The following PAPPA2 variants were observed in gnomAD, a reference collection of about 807,000 sequenced individuals.
PAPPA2 encodes pappalysin-2.
In PAPPA2, 86 loss-of-function variants were observed where a neutral mutation model predicts 176.4. That is an observed-to-expected ratio of 0.49 (90% CI 0.41 to 0.58). The LOEUF (loss-of-function observed/expected upper bound fraction) is 0.58. Ranked by LOEUF, PAPPA2 falls within the 20% of genes least tolerant of loss-of-function variation. PAPPA2 has a pLI of 0.00. For missense variants in PAPPA2, 2,073 were observed against 2,256.9 expected (o/e 0.92, Z 1.65); for synonymous variants, 809 against 852.2 (o/e 0.95, Z 0.88).
chr1:176,492,847 T>C (rs868080602), intron 1 of PAPPA2, among the ~76,000 whole-genome samples: 5 of 152,206 alleles, frequency 3.3e-5, no homozygotes, highest in South Asian at 2.1e-4. Flanking sequence ...GTGAGTATTA[T>C]CCTTAAGAGA....
chr1:176,787,239 A>T (rs922796911), intron 17 of PAPPA2, among the ~76,000 whole-genome samples: 1 of 152,070 alleles, frequency 6.6e-6, no homozygotes, highest in African/African-American at 2.4e-5. Flanking sequence ...AGTCATAAAA[A>T]TCAGATTTTT....
chr1:176,535,548 C>A (rs987136076), intron 1 of PAPPA2, among the ~76,000 whole-genome samples: 1 of 152,136 alleles, frequency 6.6e-6, no homozygotes, highest in African/African-American at 2.4e-5. Flanking sequence ...GGCCAGTATT[C>A]TGGTTTCTTC....
In PAPPA2 at chr1:176,671,039, C is replaced by T; in HGVS notation, c.2061C>T (p.Tyr687=). 1 of 1,614,034 alleles carries T rather than the reference C, an allele frequency of 6.2e-7. No homozygotes were observed. The highest frequency in any genetic ancestry group is 8.5e-7 in the Non-Finnish European group (1 of 1,179,928). ...QLNSTHFLNI[Y]FASSVREDLA... is the part of the protein sequence containing the mutation. Reference sequence around the variant, plus strand: ...ACAGTACTCACTTCCTCAACATCTACTTTGCCAGCTCAGTGCGGGAAGACC... The same window carrying T: ...ACAGTACTCACTTCCTCAACATCTATTTTGCCAGCTCAGTGCGGGAAGACC... Residue 687 remains tyrosine, a synonymous_variant, in exon 4 of 23, where the codon TAC becomes TAT. Coordinates refer to ENST00000367662, the MANE Select transcript of PAPPA2 (RefSeq NM_020318.3).
chr1:176,573,809 A>G (rs1165212060), intron 2 of PAPPA2, among the ~76,000 whole-genome samples: 2 of 152,252 alleles, frequency 1.3e-5, no homozygotes, highest in East Asian at 3.9e-4. Flanking sequence ...GATCCCTAGT[A>G]GGTAATATCA....
chr1:176,593,854 T>A (rs1653799520), intron 2 of PAPPA2, among the ~76,000 whole-genome samples: 1 of 152,170 alleles, frequency 6.6e-6, no homozygotes, highest in Non-Finnish European at 1.5e-5. Flanking sequence ...CAGTGGTTAG[T>A]TTTTTAGGCT....
chr1:176,500,419 T>G (rs1647889987), intron 1 of PAPPA2, among the ~76,000 whole-genome samples: 1 of 150,558 alleles, frequency 6.6e-6, no homozygotes, highest in Admixed American at 6.6e-5. Context: ...TCTAAAAGCT[T>G]TTTTCACTGT....
At chr1:176,724,344 C>T (rs1037664673) in intron 12 of PAPPA2, among the ~76,000 whole-genome samples, 4 of 152,132 alleles carry the variant, frequency 2.6e-5, no homozygotes, top group African/African-American at 7.2e-5. Context: ...AAACAGAAGG[C>T]ATAATTCTTC....
Position 176,781,772 on chromosome 1 carries a change from T to G in PAPPA2, c.4716-8037T>G, listed in dbSNP as rs537465696. Among the ~76,000 whole-genome samples the G allele has an allele frequency of 2.6e-5, 4 of 152,298 alleles. No homozygotes were observed. The East Asian group carries it at 7.7e-4, about 29-fold the overall frequency. ...AATGCACATTCTTGTTGAGTCAGTC[T>G]GAAGTGGATCCTGAGATTTATTTCT... On this transcript the variant is annotated intron_variant, in intron 17 of 22. Transcript: ENST00000367662.
intron 4 of PAPPA2, among the ~76,000 whole-genome samples, chr1:176,684,935 G>A (rs2102796340): frequency 6.6e-6 from 1 of 152,298 alleles, no homozygotes; most frequent in South Asian, 2.1e-4. Context: ...GATGCCTGCG[G>A]TTGTCAGGAT....
At chr1:176,679,683 G>A (rs1659485164) in intron 4 of PAPPA2, among the ~76,000 whole-genome samples, 1 of 152,108 alleles carries the variant, frequency 6.6e-6, no homozygotes, top group South Asian at 2.1e-4. Flanking sequence ...AAAACTCTGA[G>A]CAAGGGGGAA....
chr1:176,768,152 C>G (rs1177219596), intron 15 of PAPPA2, among the ~76,000 whole-genome samples: 1 of 152,130 alleles, frequency 6.6e-6, no homozygotes, highest in African/African-American at 2.4e-5. Context: ...GTTGGCTGCA[C>G]GTTTTTCAAA....
At chr1:176,728,638 C>G (rs1477481331) in intron 12 of PAPPA2, among the ~76,000 whole-genome samples, 1 of 151,736 alleles carries the variant, frequency 6.6e-6, no homozygotes, top group East Asian at 1.9e-4. Flanking sequence ...ACAAGATATT[C>G]AAAAGAATTA....
At chr1:176,511,861 G>C (rs925300945) in intron 1 of PAPPA2, among the ~76,000 whole-genome samples, 13 of 152,124 alleles carry the variant, frequency 8.5e-5, no homozygotes, top group African/African-American at 3.1e-4. Context: ...TTTGAACTCA[G>C]ACTGAAACTT....
In PAPPA2 at chr1:176,557,249, C is replaced by G. The variant is rs752699303; in HGVS notation, c.919+8C>G. The G allele has an allele frequency of 5.8e-6, 9 of 1,564,586 alleles. No homozygotes were observed. The East Asian group carries it at 9.5e-5, about 16-fold the overall frequency. On this transcript the variant is annotated splice_region_variant and intron_variant, in intron 2 of 22. Transcript: ENST00000367662. Reference sequence around the variant, plus strand: ...ACCCAGCCATCATCGCAGGTAACACCCTTCTCCTGGGCTTTCTGAAATCCT... The same window carrying G: ...ACCCAGCCATCATCGCAGGTAACACGCTTCTCCTGGGCTTTCTGAAATCCT...
chr1:176,513,901 G>T (rs929787914), intron 1 of PAPPA2, among the ~76,000 whole-genome samples: 2 of 152,076 alleles, frequency 1.3e-5, no homozygotes, highest in African/African-American at 4.8e-5. Context: ...TGTCCGAGGA[G>T]TCATGACTGT....
At chr1:176,477,286 G>A (rs1652172610) in intron 1 of PAPPA2, among the ~76,000 whole-genome samples, 1 of 152,036 alleles carries the variant, frequency 6.6e-6, no homozygotes, top group Non-Finnish European at 1.5e-5. Flanking sequence ...GGCTTAAATT[G>A]TAAAACCAGG....
intron 1 of PAPPA2, among the ~76,000 whole-genome samples, chr1:176,479,490 C>G (rs1307093069): frequency 6.6e-6 from 1 of 152,070 alleles, no homozygotes; most frequent in South Asian, 2.1e-4. Context: ...GGAAATTGCA[C>G]CCCCTGACTT....
At chr1:176,660,318 A>G (rs1658286058) in intron 3 of PAPPA2, among the ~76,000 whole-genome samples, 1 of 141,188 alleles carries the variant, frequency 7.1e-6, no homozygotes, top group Non-Finnish European at 1.5e-5. Flanking sequence ...CTAATGCTGT[A>G]TTTTAGTAAT....
intron 1 of PAPPA2, among the ~76,000 whole-genome samples, chr1:176,506,741 C>A (rs927652431): frequency 2.6e-5 from 4 of 152,076 alleles, no homozygotes; most frequent in African/African-American, 9.7e-5. Flanking sequence ...TCAGGGCTAG[C>A]AGCCTTTTTG....
Sources: allele counts gnomAD v4.1 joint callset (sites outside exome capture counted in the v4.1 genomes callset), GRCh38; gene constraint gnomAD v4.1.1; transcripts MANE v1.5; gene names NCBI Gene and HGNC (gene_info 2026-07-23, HGNC 2026-07-21).